LRMDA: variants seen among roughly 807,000 people sequenced by gnomAD.
LRMDA encodes the protein leucine-rich melanocyte differentiation-associated protein.
In LRMDA, 18 loss-of-function variants were observed where a neutral mutation model predicts 29.8. The observed-to-expected ratio is 0.60, with a 90% CI of 0.42 to 0.90. LRMDA has a LOEUF of 0.90. Among genes scored for constraint, LRMDA ranks in the 40% least tolerant of loss-of-function variants. The probability of loss-of-function intolerance (pLI) is 0.00; values close to 1 mark genes in which losing one functional copy is unlikely to be tolerated. For synonymous variants in LRMDA, 125 were observed against 109.4 expected (o/e 1.14, Z -0.89); for missense variants, 273 against 273.9 (o/e 1.00, Z 0.02).
At chr10:75,983,282 A>G (rs1276665957) in intron 2 of LRMDA, among the ~76,000 whole-genome samples, 1 of 152,246 alleles carries the variant, frequency 6.6e-6, no homozygotes, top group African/African-American at 2.4e-5. Flanking sequence ...TACAGGAGCC[A>G]AATAAAAATT....
At chr10:76,077,368 T>G (rs1300222425) in intron 5 of LRMDA, among the ~76,000 whole-genome samples, 1 of 152,220 alleles carries the variant, frequency 6.6e-6, no homozygotes, top group Non-Finnish European at 1.5e-5. Flanking sequence ...GCTGGAGATC[T>G]TCAAGCTATA....
At chr10:76,419,567 T>C (rs971754855) in intron 6 of LRMDA, among the ~76,000 whole-genome samples, 28 of 152,082 alleles carry the variant, frequency 1.8e-4, no homozygotes, top group Admixed American at 1.3e-4. Flanking sequence ...AGTTTTCAAT[T>C]CATTGGGTGA....
At chr10:76,290,236 T>C (rs6480804) in intron 5 of LRMDA, among the ~76,000 whole-genome samples, 101,978 of 151,870 alleles carry the variant, frequency 0.67, 35,305 homozygotes, top group East Asian at 0.89. Flanking sequence ...TAAAGAGTTA[T>C]GTAAGGTACA....
chr10:76,310,513 C>G (rs973675887), intron 5 of LRMDA, among the ~76,000 whole-genome samples: 4 of 152,158 alleles, frequency 2.6e-5, no homozygotes, highest in African/African-American at 9.7e-5. Flanking sequence ...GTTCATGCTT[C>G]CTTTTCCATT....
chr10:75,957,867 G>A (rs1310875519), intron 2 of LRMDA, among the ~76,000 whole-genome samples: 4 of 152,126 alleles, frequency 2.6e-5, no homozygotes, highest in Admixed American at 6.5e-5. Flanking sequence ...CCATCTGGTC[G>A]CAGTATATGT....
chr10:75,553,953 C>T (rs1840184241), intron 2 of LRMDA, among the ~76,000 whole-genome samples: 1 of 152,090 alleles, frequency 6.6e-6, no homozygotes, highest in Non-Finnish European at 1.5e-5. Context: ...TAGCCCATAT[C>T]CAACATTAAA....
chr10:76,523,419 G>A (rs1331030553), intron 6 of LRMDA, among the ~76,000 whole-genome samples: 1 of 152,106 alleles, frequency 6.6e-6, no homozygotes, highest in Admixed American at 6.5e-5. Flanking sequence ...GAAACACGCC[G>A]CTATTTAGCT....
chr10:75,683,664 A>C (rs139316072), intron 2 of LRMDA, among the ~76,000 whole-genome samples: 1 of 152,338 alleles, frequency 6.6e-6, no homozygotes, highest in East Asian at 1.9e-4. Context: ...ACCTTACCTG[A>C]AAGCTGGCCA....
At position 75,762,257 on chromosome 10, in the gene LRMDA, A is replaced by G. The variant is rs765825021; in HGVS notation, c.132-273751A>G. Among the ~76,000 whole-genome samples, 24 of 152,296 alleles carry G rather than the reference A, an allele frequency of 1.6e-4. No homozygotes were observed. The East Asian group carries it at 1.9e-3, about 12-fold the overall frequency. On this transcript the variant is annotated intron_variant, in intron 2 of 6. Transcript: ENST00000611255. ...CATGTTTTGTTTTTCCTGTAAATCA[A>G]TCCTGTCCAACTCACAGCCCATGGG...
intron 2 of LRMDA, among the ~76,000 whole-genome samples, chr10:75,805,356 C>G (rs909883413): frequency 1.3e-5 from 2 of 152,194 alleles, no homozygotes; most frequent in Non-Finnish European, 2.9e-5. Flanking sequence ...TGCTGCTGAT[C>G]TAAGATGTGG....
chr10:76,532,624 A>G (rs1282268416), intron 6 of LRMDA, among the ~76,000 whole-genome samples: 1 of 152,214 alleles, frequency 6.6e-6, no homozygotes, highest in East Asian at 1.9e-4. Context: ...ACAAGGAACC[A>G]TTAATTCTGC....
chr10:76,326,787 T>C lies in LRMDA; in HGVS notation c.601+2302T>C, dbSNP rs181959708. On this transcript the variant is annotated intron_variant, in intron 6 of 6. Transcript: ENST00000611255. The stretch of plus-strand genomic sequence containing the variant: ...ATGTCCTAAAAACTGTAGATTCAAA[T>C]GCAAAGGAAGTCCGGGCTTAGAATA... 5.0e-4 allele frequency among the ~76,000 whole-genome samples: 76 copies of C among 152,296 alleles called. 1 individual carries two copies. The highest frequency in any genetic ancestry group is 7.1e-4 in the Non-Finnish European group (48 of 68,026).
chr10:75,791,807 G>C (rs2132252813), intron 2 of LRMDA, among the ~76,000 whole-genome samples: 1 of 151,830 alleles, frequency 6.6e-6, no homozygotes, highest in Admixed American at 6.6e-5. Flanking sequence ...AAATGTCACT[G>C]GTCAAGAGGA....
chr10:76,007,864 A>C (rs1352790132), intron 2 of LRMDA, among the ~76,000 whole-genome samples: 1 of 152,158 alleles, frequency 6.6e-6, no homozygotes, highest in Non-Finnish European at 1.5e-5. Context: ...GATTATTTTT[A>C]AAACCAATGG....
At chr10:76,543,215 C>T (rs1019533660) in intron 6 of LRMDA, among the ~76,000 whole-genome samples, 1 of 151,928 alleles carries the variant, frequency 6.6e-6, no homozygotes, top group Admixed American at 6.6e-5. Context: ...CCAGTGGTGT[C>T]GGGAGAGACA....
intron 2 of LRMDA, among the ~76,000 whole-genome samples, chr10:75,957,675 C>T (rs894704667): frequency 3.3e-5 from 5 of 152,032 alleles, no homozygotes; most frequent in Non-Finnish European, 7.3e-5. Context: ...TGATGGGTAG[C>T]CATGATTTAA....
intron 2 of LRMDA, among the ~76,000 whole-genome samples, chr10:75,611,914 G>T (rs1841037179): frequency 6.6e-6 from 1 of 152,164 alleles, no homozygotes; most frequent in African/African-American, 2.4e-5. Context: ...GGAGCCCCTG[G>T]CTGGGTGTCC....
At chr10:76,109,222 C>T (rs72813598) in intron 5 of LRMDA, among the ~76,000 whole-genome samples, 1,964 of 152,232 alleles carry the variant, frequency 0.013, 14 homozygotes, top group Non-Finnish European at 0.021. Flanking sequence ...TTGCATCAAG[C>T]GCAAGAAAGA....
chr10:75,792,333 T>C (rs2132253393), intron 2 of LRMDA, among the ~76,000 whole-genome samples: 1 of 151,914 alleles, frequency 6.6e-6, no homozygotes, highest in Admixed American at 6.6e-5. Flanking sequence ...GGTGCAATCT[T>C]GGCTAACTGC....
Sources: allele counts gnomAD v4.1 joint callset (sites outside exome capture counted in the v4.1 genomes callset), GRCh38; gene constraint gnomAD v4.1.1; transcripts MANE v1.5; gene names NCBI Gene and HGNC (gene_info 2026-07-23, HGNC 2026-07-21).